STAG2: variants seen among roughly 807,000 people sequenced by gnomAD.
STAG2 encodes cohesin subunit SA-2.
STAG2 carries 14 observed loss-of-function variants against 108.1 expected under a neutral mutation model. That is an observed-to-expected ratio of 0.13 (90% confidence interval 0.09 to 0.20). The LOEUF (loss-of-function observed/expected upper bound fraction) is 0.20, where lower values mean the gene tolerates loss of function less well. STAG2 is among the 10% of genes least tolerant of loss of function. The pLI, the probability that STAG2 is intolerant of heterozygous loss-of-function variation, is 1.00. For synonymous variants in STAG2, 307 were observed against 302.7 expected (o/e 1.01, Z -0.15); for missense variants, 440 against 940.9 (o/e 0.47, Z 6.96).
chrX:124,059,924 A>T, intron 15 of STAG2, among the ~76,000 whole-genome samples: 1 of 111,807 alleles, frequency 8.9e-6, no homozygotes, highest in East Asian at 2.8e-4. Context: ...GGCCTCCCAA[A>T]GTGCTGGGAT....
At chrX:124,019,380 A>G (rs1602872470) in intron 1 of STAG2, among the ~76,000 whole-genome samples, 1 of 110,777 alleles carries the variant, frequency 9.0e-6, no homozygotes, top group Middle Eastern at 4.7e-3. Context: ...AATAATAATA[A>G]GTGGCAAGTA....
At chrX:124,071,508 G>A (rs2058662888) in intron 25 of STAG2, among the ~76,000 whole-genome samples, 185 bp downstream of exon 25, 1 of 111,529 alleles carries the variant, frequency 9.0e-6, no homozygotes, top group African/African-American at 3.3e-5. Flanking sequence ...ATGTTGCAGA[G>A]TATAGGCTTT....
At chrX:124,015,862 A>G (rs2056704748) in intron 1 of STAG2, among the ~76,000 whole-genome samples, 1 of 111,645 alleles carries the variant, frequency 9.0e-6, no homozygotes, top group East Asian at 2.8e-4. Flanking sequence ...TCTACCTTTT[A>G]GCATTCACAA....
intron 32 of STAG2, among the ~76,000 whole-genome samples, chrX:124,092,415 G>A (rs17330707): frequency 0.16 from 17,864 of 110,610 alleles, 1,175 homozygotes; most frequent in South Asian, 0.36. Flanking sequence ...CCAAGTAGTC[G>A]CCGGTCCATA....
chrX:123,960,953 T>C (rs1007638257), upstream of STAG2: 12 of 111,786 alleles, frequency 1.1e-4, no homozygotes, highest in African/African-American at 3.9e-4. Context: ...GTGTGTATGA[T>C]TGAAACAGGG....
At chrX:124,078,335 T>C (rs1396547789) in intron 27 of STAG2, among the ~76,000 whole-genome samples, 4 of 110,754 alleles carry the variant, frequency 3.6e-5, no homozygotes, top group Non-Finnish European at 5.7e-5. Context: ...GCAATTCTAC[T>C]TTTTAAATCT....
intron 9 of STAG2, among the ~76,000 whole-genome samples, chrX:124,048,277 A>G (rs2057934636): frequency 8.9e-6 from 1 of 112,141 alleles, no homozygotes; most frequent in South Asian, 3.7e-4. Context: ...TCCAGACTCA[A>G]GAATTGACTA....
At chrX:124,059,119 C>T (rs1006249743) in intron 15 of STAG2, among the ~76,000 whole-genome samples, 2 of 111,754 alleles carry the variant, frequency 1.8e-5, no homozygotes, top group African/African-American at 6.5e-5. Context: ...GAGTTTGAGA[C>T]CAGCCTGGCC....
chrX:124,025,812 G>A (rs1310961913), intron 3 of STAG2, 28 bp from the exon 4 acceptor site: 1 of 1,026,305 alleles, frequency 9.7e-7, no homozygotes, highest in Non-Finnish European at 1.3e-6. Flanking sequence ...TCTAAGGAAG[G>A]GTTTTAATTC....
chrX:124,026,507 T>A (rs1329788104), intron 4 of STAG2: 1 of 195,615 alleles, frequency 5.1e-6, no homozygotes, highest in African/African-American at 3.0e-5. Flanking sequence ...GAAAGTATAT[T>A]TGACTCTGCA....
intron 20 of STAG2, 101 bp downstream of exon 20, chrX:124,064,152 C>A: frequency 1.7e-6 from 1 of 582,612 alleles, no homozygotes; most frequent in Non-Finnish European, 2.7e-6. Flanking sequence ...TAGTCCCTAG[C>A]AGTATTTTGA....
At chrX:124,065,297 A>G in intron 20 of STAG2, among the ~76,000 whole-genome samples, 1 of 112,239 alleles carries the variant, frequency 8.9e-6, no homozygotes, top group Non-Finnish European at 1.9e-5. Flanking sequence ...CTAGAGTTCA[A>G]CACAGTAGAT....
intron 24 of STAG2, among the ~76,000 whole-genome samples, chrX:124,069,846 C>T (rs938662375): frequency 2.7e-5 from 3 of 111,651 alleles, no homozygotes; most frequent in African/African-American, 6.5e-5. Flanking sequence ...ATGAAAGGAA[C>T]AAGATTTCTG....
At chrX:124,020,383 C>T (rs935998709) in intron 1 of STAG2, among the ~76,000 whole-genome samples, 3 of 111,992 alleles carry the variant, frequency 2.7e-5, no homozygotes, top group Non-Finnish European at 3.8e-5. Context: ...TTCATCTTGC[C>T]GTCTAGATGA....
At chrX:123,962,671 G>T (rs1325249195) in intron 1 of STAG2, among the ~76,000 whole-genome samples, 1 of 111,296 alleles carries the variant, frequency 9.0e-6, no homozygotes, top group African/African-American at 3.3e-5. Flanking sequence ...TGGATTAAAT[G>T]GTAATTTACA....
chrX:124,061,240 C>T lies in STAG2; in HGVS notation c.1433C>T (p.Ala478Val), dbSNP rs1204287468. The T allele has an allele frequency of 1.7e-6, 2 of 1,202,763 alleles. No individual in the cohort carries two copies. The highest frequency in any genetic ancestry group is 1.8e-5 in the South Asian group (1 of 55,314). The change falls in exon 16 of 35, where the codon GCA becomes GTA. Residue 478 changes from alanine (A) to valine (V), a missense_variant. Physicochemically the swap from Ala to Val is moderately conservative, Grantham distance 64. This residue lies in a region of STAG2 where 337 missense variants were observed against 649.3 expected (regional missense o/e 0.52). Transcript: ENST00000371145. ...AAATTTTAGTTACATGAGCATGCAG[C>T]ATACCTTGTGGATAGCATGTGGGAC... is the stretch of plus-strand genomic sequence containing the variant. ...FLESELHEHAAYLVDSMWDCA... is the reference protein window; with the variant it reads ...FLESELHEHAVYLVDSMWDCA...
Position 124,006,477 on chromosome X carries a change from T to C in STAG2, c.-162-14890T>C, listed in dbSNP as rs776961839. On this transcript the variant is annotated intron_variant, in intron 1 of 34. Transcript: ENST00000371145. ...TTTTTGAGAGGGAGTCTCGCTCTGT[T>C]GCCCAGGCTGGAGTGCAGTGGCACA... Among the ~76,000 whole-genome samples, 13 of 103,102 alleles carry C rather than the reference T, an allele frequency of 1.3e-4. No homozygotes were observed. In the South Asian group the frequency reaches 4.2e-3, roughly 33 times the overall value. 89.5% of individuals were successfully genotyped at this position (103,102 alleles called of 115,157 possible). A position where few individuals can be genotyped will look rare whatever the true frequency, so the allele number is the denominator to read the frequency against.
At position 124,008,300 on chromosome X, in the gene STAG2, G is replaced by A. The variant is rs183475292; in HGVS notation, c.-162-13067G>A. 4.8e-4 allele frequency among the ~76,000 whole-genome samples: 50 copies of A among 104,619 alleles called. No homozygotes were observed. The East Asian group carries it at 0.015, about 31-fold the overall frequency. The allele number at this position is 104,619 out of a possible 115,157, so 90.8% of individuals were successfully genotyped here. On this transcript the variant is annotated intron_variant, in intron 1 of 34. Coordinates refer to ENST00000371145, the MANE Select transcript of STAG2 (RefSeq NM_001042750.2). ...GCGATCTCGGCTCACTGCAACCTCC[G>A]CTTCCCAGGTTCAAGCGATTCTCCT...
At chrX:124,004,954 T>G (rs1242525630) in intron 1 of STAG2, among the ~76,000 whole-genome samples, 1 of 111,149 alleles carries the variant, frequency 9.0e-6, no homozygotes, top group Non-Finnish European at 1.9e-5. Context: ...TTGGTATCTG[T>G]GGGGGATTGG....
Sources: gnomAD v4.1 joint callset for allele counts (sites outside exome capture counted in the v4.1 genomes callset) on GRCh38, gnomAD v4.1.1 for gene constraint, gnomAD v4.1.1 regional missense constraint, MANE v1.5 for transcripts, NCBI Gene and HGNC (gene_info 2026-07-23, HGNC 2026-07-21) for gene names.